SPATA31H1: variants seen among roughly 807,000 people sequenced by gnomAD.
SPATA31H1 encodes spermatogenesis-associated protein 31H1.
the SPATA31H1 span, among the ~76,000 whole-genome samples, chr2:27,564,163 G>A: frequency 6.6e-6 from 1 of 152,226 alleles, no homozygotes; most frequent in African/African-American, 2.4e-5. Context: ...CTCCAAGCCA[G>A]TATGAGGATA....
At chr2:27,541,286 T>C in the SPATA31H1 span, among the ~76,000 whole-genome samples, 19 of 151,554 alleles carry the variant, frequency 1.3e-4, no homozygotes, top group Non-Finnish European at 2.5e-4. Flanking sequence ...TCGCAGGCAC[T>C]CGGCAGGCTG....
At chr2:27,579,178 G>A in the SPATA31H1 span, 1 of 1,614,148 alleles carries the variant, frequency 6.2e-7, no homozygotes, top group Non-Finnish European at 8.5e-7. Context: ...TCTTTCCCGG[G>A]CAGACAACAC....
At chr2:27,567,888 G>C in the SPATA31H1 span, 1 of 398,996 alleles carries the variant, frequency 2.5e-6, no homozygotes, top group Non-Finnish European at 4.4e-6. Flanking sequence ...GATGATCCCA[G>C]AATCACATTC....
chr2:27,576,542 A>G, the SPATA31H1 span: 18 of 1,508,820 alleles, frequency 1.2e-5, no homozygotes, highest in Middle Eastern at 1.8e-4. Context: ...TGGCCTTTGC[A>G]TCGAAGCCAT....
chr2:27,549,983 G>C, the SPATA31H1 span, among the ~76,000 whole-genome samples: 4 of 151,852 alleles, frequency 2.6e-5, 1 homozygote, highest in African/African-American at 4.9e-5. Flanking sequence ...AAATGATCCT[G>C]ATACTTGAAA....
the SPATA31H1 span, among the ~76,000 whole-genome samples, chr2:27,545,222 C>G: frequency 6.6e-6 from 1 of 151,818 alleles, no homozygotes; most frequent in African/African-American, 2.4e-5. Flanking sequence ...GGAGTTTTGC[C>G]ATGTTGGCCA....
chr2:27,566,312 G>A, the SPATA31H1 span: 1 of 717,388 alleles, frequency 1.4e-6, no homozygotes, highest in Non-Finnish European at 2.6e-6. Flanking sequence ...CCTGTGGGCT[G>A]GACCCAGGAA....
the SPATA31H1 span, chr2:27,581,630 T>C: frequency 4.3e-4 from 686 of 1,601,990 alleles, 1 homozygote; most frequent in Admixed American, 9.9e-4. Flanking sequence ...AGAGAAGCCA[T>C]TGCAGTCCCT....
the SPATA31H1 span, among the ~76,000 whole-genome samples, chr2:27,538,949 T>A: frequency 6.6e-6 from 1 of 151,852 alleles, no homozygotes; most frequent in Non-Finnish European, 1.5e-5. Flanking sequence ...GAGAAAAAAA[T>A]ATCTGCTATC....
the SPATA31H1 span, among the ~76,000 whole-genome samples, chr2:27,558,902 AGAG>A: frequency 1.9e-5 from 1 of 51,838 alleles, no homozygotes. Context: ...AGGGAGAGGG[AGAG>A]GGAGAGGGAG....
At chr2:27,581,932 A>G in the SPATA31H1 span, 2 of 1,612,526 alleles carry the variant, frequency 1.2e-6, no homozygotes, top group Non-Finnish European at 1.7e-6. Context: ...AGTCCCTCAG[A>G]GAAAAGCCAT....
At chr2:27,545,478 G>A in the SPATA31H1 span, among the ~76,000 whole-genome samples, 1 of 151,976 alleles carries the variant, frequency 6.6e-6, no homozygotes, top group Admixed American at 6.5e-5. Context: ...TTTAGTAGAT[G>A]ACACCAGTTT....
chr2:27,565,535 T>C, the SPATA31H1 span: 7 of 656,910 alleles, frequency 1.1e-5, no homozygotes, highest in Admixed American at 7.6e-5. Context: ...AGCATCTCCA[T>C]GTCTAAAGAT....
the SPATA31H1 span, among the ~76,000 whole-genome samples, chr2:27,552,005 G>A: frequency 3.1e-4 from 47 of 151,862 alleles, 1 homozygote; most frequent in African/African-American, 1.1e-3. Context: ...TAGTAGAGAC[G>A]AGGTTTCACC....
At chr2:27,542,302 C>G in the SPATA31H1 span, among the ~76,000 whole-genome samples, 1 of 151,762 alleles carries the variant, frequency 6.6e-6, no homozygotes, top group Non-Finnish European at 1.5e-5. Context: ...GAGGCTGAGG[C>G]AGGAGAATCG....
the SPATA31H1 span, among the ~76,000 whole-genome samples, chr2:27,538,914 A>G: frequency 0.011 from 1,613 of 152,026 alleles, 16 homozygotes; most frequent in Non-Finnish European, 0.015. Context: ...TCCTCTGTGC[A>G]CTATTGATAC....
chr2:27,579,375 C>CTGA, the SPATA31H1 span: 3 of 1,614,194 alleles, frequency 1.9e-6, no homozygotes, highest in East Asian at 6.7e-5. Context: ...TCCAGCTGAA[C>CTGA]TGATGGAACC....
At chr2:27,580,856 G>T in the SPATA31H1 span, 3 of 1,614,156 alleles carry the variant, frequency 1.9e-6, no homozygotes, top group African/African-American at 1.3e-5. Context: ...AGGACATATT[G>T]TGGGGAGGAA....
the SPATA31H1 span, chr2:27,574,953 A>C: frequency 5.0e-6 from 2 of 398,538 alleles, no homozygotes; most frequent in Non-Finnish European, 8.9e-6. Context: ...GCCTAGGCCA[A>C]TGCGGCAAGA....
Sources: gnomAD v4.1 joint callset for allele counts (sites outside exome capture counted in the v4.1 genomes callset) on GRCh38, gnomAD v4.1.1 for gene constraint, MANE v1.5 for transcripts, NCBI Gene and HGNC (gene_info 2026-07-23, HGNC 2026-07-21) for gene names.